Variants in RGL1 observed in about 807,000 individuals in gnomAD.
The protein encoded by RGL1 is ral guanine nucleotide dissociation stimulator like 1.
In RGL1, 24 loss-of-function variants were observed where a neutral mutation model predicts 95.2. The ratio of observed to expected loss-of-function variants is 0.25; its 90% CI spans 0.18 to 0.35. The LOEUF (loss-of-function observed/expected upper bound fraction) is 0.35, where lower values mean the gene tolerates loss of function less well. RGL1 is among the 10% of genes least tolerant of loss of function. The probability of loss-of-function intolerance (pLI) is 1.00; values close to 1 mark genes in which losing one functional copy is unlikely to be tolerated. For missense variants in RGL1, 715 were observed against 936.3 expected (o/e 0.76, Z 3.08); for synonymous variants, 329 against 344.9 (o/e 0.95, Z 0.51).
intron 1 of RGL1, among the ~76,000 whole-genome samples, chr1:183,699,560 A>G (rs1654460604): frequency 1.3e-5 from 2 of 152,178 alleles, no homozygotes; most frequent in Non-Finnish European, 2.9e-5. Context: ...ATAAATATGC[A>G]GGTTAGGCCT....
At chr1:183,681,760 C>T (rs1653232065) in intron 1 of RGL1, among the ~76,000 whole-genome samples, 1 of 152,180 alleles carries the variant, frequency 6.6e-6, no homozygotes, top group Non-Finnish European at 1.5e-5. Context: ...ATACCACCTC[C>T]TCTATGAACC....
At chr1:183,760,054 A>G (rs1658574585) in intron 2 of RGL1, among the ~76,000 whole-genome samples, 1 of 152,224 alleles carries the variant, frequency 6.6e-6, no homozygotes, top group South Asian at 2.1e-4. Flanking sequence ...TATTGCACAA[A>G]GTAAGTCACA....
chr1:183,799,718 T>C (rs894793895), intron 2 of RGL1, among the ~76,000 whole-genome samples: 1 of 152,234 alleles, frequency 6.6e-6, no homozygotes, highest in African/African-American at 2.4e-5. Context: ...TTATCAGATA[T>C]ATGGTTTGTA....
At position 183,897,824 on chromosome 1, in the gene RGL1, T is replaced by C; in HGVS notation, c.1157T>C (p.Phe386Ser). Residue 386 changes from phenylalanine (F) to serine (S), a missense_variant, in exon 10 of 18, where the codon TTT becomes TCT. By Grantham distance (155) the Phe-to-Ser change is radical. This residue lies in a region of RGL1 where 381 missense variants were observed against 484.8 expected (regional missense o/e 0.79). Coordinates refer to ENST00000360851, the MANE Select transcript of RGL1 (RefSeq NM_001297671.3). ...ELLMKEGTSK[F>S]ANLDSSVKEN... Reference sequence around the variant, plus strand: ...GTTTCTCAGGAAGGAACCTCAAAATTTGCAAACCTGGACAGCAGTGTGAAA... The same window carrying C: ...GTTTCTCAGGAAGGAACCTCAAAATCTGCAAACCTGGACAGCAGTGTGAAA... 1.2e-6 allele frequency: 2 copies of C among 1,613,886 alleles called. No individual in the cohort carries two copies. The highest frequency in any genetic ancestry group is 1.7e-6 in the Non-Finnish European group (2 of 1,179,870).
Position 183,900,230 on chromosome 1 carries a change from C to T in RGL1, c.1311C>T (p.Tyr437=). 6.2e-7 allele frequency: 1 copy of T among 1,613,682 alleles called. No homozygotes were observed. Among genetic ancestry groups the T allele is most frequent in the Non-Finnish European group, 8.5e-7 (1 of 1,179,592 alleles). Reference sequence around the variant, plus strand: ...TGCTTGACACTGCCCTTCAGGACTACATCGAGGTGAGTTCCATGTGGGTGG... The same window carrying T: ...TGCTTGACACTGCCCTTCAGGACTATATCGAGGTGAGTTCCATGTGGGTGG... ...LTMLDTALQD[Y]IEGGLINFEK... The change falls in exon 11 of 18, where the codon TAC becomes TAT. Residue 437 remains tyrosine, a synonymous_variant. Coordinates refer to ENST00000360851, the MANE Select transcript of RGL1 (RefSeq NM_001297671.3).
At position 183,883,849 on chromosome 1, in the gene RGL1, C is replaced by T; in HGVS notation, c.674C>T (p.Ser225Leu). The change falls in exon 6 of 18, where the codon TCA becomes TTA. Residue 225 changes from serine (S) to leucine (L), a missense_variant. Transcript: ENST00000360851. ...EEEEELEGGE[S>L]AEFTCFSEDL... is the part of the protein sequence containing the mutation. ...GAAGAGGAACTGGAGGGTGGAGAGT[C>T]AGCAGAATTCACGTGCTTCTCAGAA... The T allele has an allele frequency of 6.2e-7, 1 of 1,614,090 alleles. No homozygotes were observed. Among genetic ancestry groups the T allele is most frequent in the East Asian group, 2.2e-5 (1 of 44,890 alleles).
At chr1:183,882,475 G>A (rs1666878918) in intron 5 of RGL1, among the ~76,000 whole-genome samples, 1 of 152,230 alleles carries the variant, frequency 6.6e-6, no homozygotes, top group East Asian at 1.9e-4. Flanking sequence ...AAATTAAACA[G>A]TGCCAGAGTT....
At chr1:183,925,349 G>A (rs1225026591) in intron 17 of RGL1, among the ~76,000 whole-genome samples, 1 of 152,192 alleles carries the variant, frequency 6.6e-6, no homozygotes, top group African/African-American at 2.4e-5. Flanking sequence ...TTGGGGAAAA[G>A]GGGAGGGAGA....
intron 4 of RGL1, among the ~76,000 whole-genome samples, chr1:183,880,397 T>G (rs1666758406): frequency 6.6e-6 from 1 of 152,126 alleles, no homozygotes; most frequent in East Asian, 1.9e-4. Context: ...CAAAAAACCT[T>G]ATCAGTTTCA....
chr1:183,925,903 G>A (rs1669587559), intron 17 of RGL1, among the ~76,000 whole-genome samples: 1 of 152,072 alleles, frequency 6.6e-6, no homozygotes. Context: ...AATCTCATTT[G>A]TACTAATTTT....
At chr1:183,891,733 GTTTTT>G (rs57974956) in intron 8 of RGL1, among the ~76,000 whole-genome samples, 2 of 123,944 alleles carry the variant, frequency 1.6e-5, no homozygotes, top group African/African-American at 6.0e-5. Flanking sequence ...GTGTGTAACA[GTTTTT>G]TTTTTTTTTT....
chr1:183,810,252 A>G (rs776903934), intron 2 of RGL1, among the ~76,000 whole-genome samples: 1 of 152,212 alleles, frequency 6.6e-6, no homozygotes, highest in Non-Finnish European at 1.5e-5. Context: ...TCCAAAAAAC[A>G]TGTCAGCCTA....
At chr1:183,756,330 A>G (rs1436748854) in intron 2 of RGL1, among the ~76,000 whole-genome samples, 1 of 152,080 alleles carries the variant, frequency 6.6e-6, no homozygotes, top group East Asian at 1.9e-4. Context: ...TGGATCAAAT[A>G]TTTCTGGATC....
chr1:183,924,682 C>T (rs1006588287), intron 17 of RGL1, among the ~76,000 whole-genome samples: 3 of 151,958 alleles, frequency 2.0e-5, no homozygotes, highest in African/African-American at 7.3e-5. Context: ...TGGTGGCTCA[C>T]GCCTGTAATC....
intron 2 of RGL1, among the ~76,000 whole-genome samples, chr1:183,809,595 A>C (rs894048114): frequency 6.6e-6 from 1 of 152,200 alleles, no homozygotes; most frequent in Non-Finnish European, 1.5e-5. Flanking sequence ...TCGAAGAAAA[A>C]TGACTTCAAT....
upstream of RGL1, among the ~76,000 whole-genome samples, chr1:183,802,554 C>T (rs2102404872): frequency 8.1e-6 from 1 of 124,092 alleles, no homozygotes; most frequent in East Asian, 2.5e-4. Context: ...CATATTAAGT[C>T]TTTCAACCCG....
intron 2 of RGL1, among the ~76,000 whole-genome samples, chr1:183,807,454 A>C (rs1661422258): frequency 6.6e-6 from 1 of 152,208 alleles, no homozygotes; most frequent in Non-Finnish European, 1.5e-5. Context: ...CTGAAAATTC[A>C]GAATATTTTG....
chr1:183,914,325 T>G (rs1668836080), intron 15 of RGL1, among the ~76,000 whole-genome samples: 1 of 152,236 alleles, frequency 6.6e-6, no homozygotes, highest in Non-Finnish European at 1.5e-5. Flanking sequence ...CAGACTGGCT[T>G]TTTAAATTCT....
At chr1:183,737,537 C>T (rs970073049) in intron 1 of RGL1, among the ~76,000 whole-genome samples, 11 of 151,228 alleles carry the variant, frequency 7.3e-5, no homozygotes, top group East Asian at 1.9e-4. Flanking sequence ...ATCACTTGAG[C>T]CCAGGTGAGA....
Sources: allele counts gnomAD v4.1 joint callset (sites outside exome capture counted in the v4.1 genomes callset), GRCh38; gene constraint gnomAD v4.1.1; regional missense constraint gnomAD v4.1.1; transcripts MANE v1.5; gene names NCBI Gene and HGNC (gene_info 2026-07-23, HGNC 2026-07-21).